Variants in ENTREP1 observed in about 807,000 individuals in gnomAD.
ENTREP1 encodes the protein Friedreich ataxia region gene X123.
the ENTREP1 span, among the ~76,000 whole-genome samples, chr9:69,339,019 G>C: frequency 6.6e-6 from 1 of 152,054 alleles, no homozygotes; most frequent in Non-Finnish European, 1.5e-5. Flanking sequence ...CAGTTCATAT[G>C]TATCTTTTGT....
the ENTREP1 span, chr9:69,383,406 A>G: frequency 7.3e-7 from 1 of 1,361,904 alleles, no homozygotes. Flanking sequence ...GTTTAAAAGC[A>G]ATGATGGGGT....
chr9:69,366,390 T>G, the ENTREP1 span, among the ~76,000 whole-genome samples: 1 of 151,322 alleles, frequency 6.6e-6, no homozygotes, highest in East Asian at 1.9e-4. Flanking sequence ...CTGGGGTTTT[T>G]TTTTTTTTTT....
chr9:69,340,767 G>GTGTGTGTA, the ENTREP1 span, among the ~76,000 whole-genome samples: 478 of 128,734 alleles, frequency 3.7e-3, 14 homozygotes, highest in East Asian at 9.5e-3. Flanking sequence ...GCGTGCATGT[G>GTGTGTGTA]TGTGTGTGTA....
At chr9:69,351,455 C>A in the ENTREP1 span, among the ~76,000 whole-genome samples, 2 of 152,122 alleles carry the variant, frequency 1.3e-5, no homozygotes, top group Admixed American at 1.3e-4. Context: ...TTCACTCTGT[C>A]CCCCAGGCTA....
chr9:69,391,547 G>T, the ENTREP1 span: 1 of 1,497,788 alleles, frequency 6.7e-7, no homozygotes, highest in Non-Finnish European at 9.3e-7. Context: ...AGGTCAAAGG[G>T]CCACATCTGG....
At chr9:69,366,136 T>C in the ENTREP1 span, among the ~76,000 whole-genome samples, 1 of 152,200 alleles carries the variant, frequency 6.6e-6, no homozygotes, top group Non-Finnish European at 1.5e-5. Context: ...CTAATTGACA[T>C]GCCCACCAGC....
the ENTREP1 span, among the ~76,000 whole-genome samples, chr9:69,368,336 A>G: frequency 6.6e-6 from 1 of 151,962 alleles, no homozygotes; most frequent in African/African-American, 2.4e-5. Flanking sequence ...TGGGTTTTTC[A>G]TTTATGGTCC....
chr9:69,384,360 G>T, the ENTREP1 span, among the ~76,000 whole-genome samples: 1 of 152,274 alleles, frequency 6.6e-6, no homozygotes, highest in South Asian at 2.1e-4. Flanking sequence ...ACTGAAAAAA[G>T]ATATCCTTGG....
the ENTREP1 span, chr9:69,386,166 A>G: frequency 1.1e-5 from 4 of 350,900 alleles, no homozygotes; most frequent in Non-Finnish European, 2.0e-5. Flanking sequence ...GTTTTTTTTT[A>G]AAGTCATTGT....
the ENTREP1 span, chr9:69,371,678 T>C: frequency 9.7e-7 from 1 of 1,026,462 alleles, no homozygotes; most frequent in Non-Finnish European, 1.6e-6. Context: ...CTGGCGAGAC[T>C]TGCAACATTC....
the ENTREP1 span, among the ~76,000 whole-genome samples, chr9:69,355,728 C>T: frequency 3.0e-4 from 46 of 152,140 alleles, no homozygotes; most frequent in African/African-American, 8.9e-4. Context: ...GGGAATCATC[C>T]GGAGGTTTGA....
At chr9:69,344,593 C>A in the ENTREP1 span, among the ~76,000 whole-genome samples, 1 of 152,086 alleles carries the variant, frequency 6.6e-6, no homozygotes, top group African/African-American at 2.4e-5. Context: ...GGGGCCCTGC[C>A]TCTGGCAATG....
chr9:69,340,702 T>C, the ENTREP1 span, among the ~76,000 whole-genome samples: 14 of 138,520 alleles, frequency 1.0e-4, no homozygotes, highest in African/African-American at 4.0e-4. Flanking sequence ...TGTATGTGTG[T>C]GTGTATGTGT....
At chr9:69,346,894 A>T in the ENTREP1 span, among the ~76,000 whole-genome samples, 1 of 152,216 alleles carries the variant, frequency 6.6e-6, no homozygotes, top group Non-Finnish European at 1.5e-5. Flanking sequence ...AAGTTACTGA[A>T]TTGCTGTGGC....
At chr9:69,387,127 G>T in the ENTREP1 span, 1 of 152,308 alleles carries the variant, frequency 6.6e-6, no homozygotes, top group Non-Finnish European at 1.5e-5. Context: ...AAGTGGAAGA[G>T]TGGAGACCCT....
the ENTREP1 span, among the ~76,000 whole-genome samples, chr9:69,336,717 T>C: frequency 6.6e-6 from 1 of 152,150 alleles, no homozygotes; most frequent in Non-Finnish European, 1.5e-5. Flanking sequence ...TATTTATTAT[T>C]GTTATTATTT....
At chr9:69,365,103 A>G in the ENTREP1 span, among the ~76,000 whole-genome samples, 1 of 152,192 alleles carries the variant, frequency 6.6e-6, no homozygotes, top group Non-Finnish European at 1.5e-5. Flanking sequence ...AGTATGTTTT[A>G]TATACAGTCC....
chr9:69,350,778 A>T, the ENTREP1 span, among the ~76,000 whole-genome samples: 1 of 152,222 alleles, frequency 6.6e-6, no homozygotes, highest in African/African-American at 2.4e-5. Context: ...TCTTCCAAAA[A>T]ATGAAGTCAT....
the ENTREP1 span, among the ~76,000 whole-genome samples, chr9:69,334,366 C>A: frequency 6.6e-6 from 1 of 152,280 alleles, no homozygotes; most frequent in Admixed American, 6.5e-5. Context: ...GTTTTTGATC[C>A]TTGATATAAG....
Sources: gnomAD v4.1 joint callset for allele counts (sites outside exome capture counted in the v4.1 genomes callset) on GRCh38, gnomAD v4.1.1 for gene constraint, MANE v1.5 for transcripts, NCBI Gene and HGNC (gene_info 2026-07-23, HGNC 2026-07-21) for gene names.